Variants in COL4A2 observed in about 807,000 individuals in gnomAD.
The protein encoded by COL4A2 is collagen alpha-2(IV) chain.
In COL4A2, 99 loss-of-function variants were observed where a neutral mutation model predicts 200.2. The observed-to-expected ratio is 0.49, with a 90% CI of 0.42 to 0.58. COL4A2 has a LOEUF of 0.58. Among genes scored for constraint, COL4A2 ranks in the 20% least tolerant of loss-of-function variants. The pLI, the probability that COL4A2 is intolerant of heterozygous loss-of-function variation, is 0.00. For missense variants in COL4A2, 1,950 were observed against 2,314.1 expected, an observed-to-expected ratio of 0.84 and a Z score of 3.23; for synonymous variants, 897 against 900.6, an observed-to-expected ratio of 1.00 and a Z score of 0.07.
chr13:110,450,251 G>T, intron 19 of COL4A2, 54 bp from the exon 20 acceptor site: 3 of 1,539,010 alleles, frequency 1.9e-6, no homozygotes. Context: ...GAACACAAAG[G>T]CAGCGGTGTG....
chr13:110,449,663 C>T lies in COL4A2; in HGVS notation c.1079-16C>T, dbSNP rs757949083. On this transcript the variant is annotated splice_polypyrimidine_tract_variant and intron_variant, in intron 18 of 47. Transcript: ENST00000360467. ...CCACGGTCTTGTTCTTACTGTGGGA[C>T]TTGTTTCCCTTCCAGGTGCCAGAGG... 2.0e-6 allele frequency: 3 copies of T among 1,536,136 alleles called. No individual in the cohort carries two copies. Among genetic ancestry groups the T allele is most frequent in the Admixed American group, 2.2e-5 (1 of 46,308 alleles).
intron 46 of COL4A2, chr13:110,507,546 CCTT>C (rs1883928788): frequency 4.0e-6 from 1 of 249,464 alleles, no homozygotes; most frequent in Non-Finnish European, 7.8e-6. Context: ...GGCCAGGACT[CCTT>C]CTGGGGTGGC....
At chr13:110,471,722 G>A (rs147567476) in intron 28 of COL4A2, among the ~76,000 whole-genome samples, 8 of 152,242 alleles carry the variant, frequency 5.3e-5, no homozygotes, top group South Asian at 2.1e-4. Flanking sequence ...TGGCTTTACC[G>A]GCCCAGGAGG....
At chr13:110,359,351 C>T (rs1391251892) in intron 4 of COL4A2, among the ~76,000 whole-genome samples, 1 of 152,134 alleles carries the variant, frequency 6.6e-6, no homozygotes, top group Non-Finnish European at 1.5e-5. Flanking sequence ...ATATGTGCAC[C>T]TTTAAGTCCA....
chr13:110,455,859 C>T (rs1171154319), intron 20 of COL4A2, among the ~76,000 whole-genome samples: 1 of 152,230 alleles, frequency 6.6e-6, no homozygotes, highest in African/African-American at 2.4e-5. Flanking sequence ...GTGTAACGGC[C>T]TCATCCCCTG....
At chr13:110,378,085 G>A (rs547984988) in intron 4 of COL4A2, among the ~76,000 whole-genome samples, 2 of 152,330 alleles carry the variant, frequency 1.3e-5, no homozygotes, top group South Asian at 4.1e-4. Context: ...AATAGCCCAG[G>A]CGTCTCGAAT....
rs912854467 is a variant in COL4A2, at chr13:110,354,918, A to G, written c.100-2554A>G. Among the ~76,000 whole-genome samples the G allele has an allele frequency of 2.0e-5, 3 of 152,210 alleles. No homozygotes were observed. In the East Asian group the frequency reaches 5.8e-4, roughly 29 times the overall value. ...GTGGCAGAGTGGGCCTGGCCATGCCACTTGCACCTCCACGTGGACATGCAG... is the reference window on the plus strand; with the variant it reads ...GTGGCAGAGTGGGCCTGGCCATGCCGCTTGCACCTCCACGTGGACATGCAG... On this transcript the variant is annotated intron_variant, in intron 3 of 47. Coordinates refer to ENST00000360467, the MANE Select transcript of COL4A2 (RefSeq NM_001846.4).
At chr13:110,314,711 G>A (rs936832532) in intron 3 of COL4A2, among the ~76,000 whole-genome samples, 6 of 152,182 alleles carry the variant, frequency 3.9e-5, no homozygotes, top group Admixed American at 3.3e-4. Context: ...AACTGACAGT[G>A]GAGGAGCCCG....
intron 4 of COL4A2, among the ~76,000 whole-genome samples, chr13:110,420,235 C>T (rs539126788): frequency 6.6e-6 from 1 of 152,316 alleles, no homozygotes; most frequent in Non-Finnish European, 1.5e-5. Context: ...GAGCCCCTGT[C>T]CTCTCTCCTC....
intron 4 of COL4A2, among the ~76,000 whole-genome samples, chr13:110,401,764 T>C (rs1927342): frequency 0.72 from 109,185 of 152,118 alleles, 39,831 homozygotes; most frequent in East Asian, 0.86. Flanking sequence ...AATTTATAAA[T>C]GACAGAAATT....
chr13:110,489,534 CAG>C, intron 35 of COL4A2, 26 bp downstream of exon 35: 1 of 1,613,648 alleles, frequency 6.2e-7, no homozygotes, highest in Non-Finnish European at 8.5e-7. Flanking sequence ...CCAGTGAAAA[CAG>C]GGAGTCCACA....
chr13:110,484,398 G>GCCCGCAGCTCTGGGCCCCTC (rs1883039980), intron 32 of COL4A2, among the ~76,000 whole-genome samples: 1 of 152,020 alleles, frequency 6.6e-6, no homozygotes. Context: ...TTCCCGCCCG[G>GCCCGCAGCTCTGGGCCCCTC]CCCGCAGCTC....
intron 3 of COL4A2, among the ~76,000 whole-genome samples, chr13:110,320,883 T>C (rs1885257459): frequency 6.6e-6 from 1 of 152,232 alleles, no homozygotes; most frequent in South Asian, 2.1e-4. Context: ...TTGATTTTTC[T>C]TCCTCATTGG....
chr13:110,367,977 G>A (rs761676278), intron 4 of COL4A2, among the ~76,000 whole-genome samples: 1 of 152,184 alleles, frequency 6.6e-6, no homozygotes, highest in Non-Finnish European at 1.5e-5. Flanking sequence ...GAAAATTCAA[G>A]CAAAACTCTG....
chr13:110,322,251 C>G (rs530187939), intron 3 of COL4A2, among the ~76,000 whole-genome samples: 3 of 152,154 alleles, frequency 2.0e-5, no homozygotes, highest in Admixed American at 6.5e-5. Context: ...GCGGCCTGCC[C>G]GTGCCTCTGT....
intron 45 of COL4A2, among the ~76,000 whole-genome samples, chr13:110,505,792 G>A (rs1459312650): frequency 2.0e-5 from 3 of 152,160 alleles, no homozygotes; most frequent in Admixed American, 6.5e-5. Context: ...GAAGTGTCCA[G>A]CGGAGGGAGG....
chr13:110,491,189 G>C (rs1381618053), intron 36 of COL4A2, 44 bp from the exon 37 acceptor site: 1 of 1,401,162 alleles, frequency 7.1e-7, no homozygotes, highest in East Asian at 2.5e-5. Context: ...AACCCACAGG[G>C]GCGCGGTGTC....
In COL4A2 at chr13:110,307,511, C is replaced by T. The variant is rs1446117297; in HGVS notation, c.-62C>T. The T allele has an allele frequency of 3.9e-6, 1 of 259,500 alleles. No homozygotes were observed. The highest frequency in any genetic ancestry group is 7.0e-5 in the East Asian group (1 of 14,338). The allele number at this position is 259,500 out of a possible 1,614,324, so 16.1% of individuals were successfully genotyped here. A position where few individuals can be genotyped will look rare whatever the true frequency, so the allele number is the denominator to read the frequency against. On this transcript the variant is annotated 5_prime_UTR_variant, in exon 1 of 48. Coordinates refer to ENST00000360467, the MANE Select transcript of COL4A2 (RefSeq NM_001846.4). The surrounding 1 kb of genome is among the most constrained non-coding windows in gnomAD (Gnocchi z 5.0). ...GGGCCAATGCGTTCGGGCAGCAGCC[C>T]CTGAAGCCGAGCCCGAGGTGAGAGC...
chr13:110,312,027 C>T (rs1330115025), intron 3 of COL4A2, among the ~76,000 whole-genome samples: 5 of 152,234 alleles, frequency 3.3e-5, no homozygotes, highest in Admixed American at 6.5e-5. Context: ...TCATGCCGCA[C>T]GAGGCCCAGA....
Sources: allele counts gnomAD v4.1 joint callset (sites outside exome capture counted in the v4.1 genomes callset), GRCh38; gene constraint gnomAD v4.1.1; non-coding constraint Gnocchi (gnomAD v3.1); transcripts MANE v1.5; gene names NCBI Gene and HGNC (gene_info 2026-07-23, HGNC 2026-07-21).